MOV10L1: variants seen among roughly 807,000 people sequenced by gnomAD.
MOV10L1 encodes RNA helicase Mov10l1.
Under a neutral mutation model 143.8 loss-of-function variants are expected in MOV10L1, and 110 were observed. The ratio of observed to expected loss-of-function variants is 0.76; its 90% CI spans 0.66 to 0.90. The LOEUF (loss-of-function observed/expected upper bound fraction) is 0.90. Among genes scored for constraint, MOV10L1 ranks in the 40% least tolerant of loss-of-function variants. The pLI is 0.00. For synonymous variants in MOV10L1, 593 were observed against 581.1 expected (o/e 1.02, Z -0.29); for missense variants, 1,406 against 1,526.8 (o/e 0.92, Z 1.32).
At position 50,120,695 on chromosome 22, in the gene MOV10L1, C is replaced by G. The variant is rs1410142161; in HGVS notation, c.1569+79C>G. The G allele has an allele frequency of 1.3e-5, 14 of 1,054,162 alleles. No individual in the cohort carries two copies. In the Admixed American group the frequency reaches 2.9e-4, roughly 22 times the overall value. The allele number at this position is 1,054,162 out of a possible 1,614,324, so 65.3% of individuals were successfully genotyped here. ...TTCTGACAAAGCCAGGAGGTTCCTT[C>G]TCAGGTTCAGACCTTCATCTGGCTT... On this transcript the variant is annotated intron_variant, in intron 10 of 26. Coordinates refer to ENST00000262794, the MANE Select transcript of MOV10L1 (RefSeq NM_018995.3).
At chr22:50,091,152 G>A (rs1602094923) in intron 1 of MOV10L1, 1 of 167,878 alleles carries the variant, frequency 6.0e-6, no homozygotes, top group African/African-American at 2.4e-5. Flanking sequence ...ATGCCCGGGG[G>A]GCCGGCTGTG....
In MOV10L1 at chr22:50,161,679, T is replaced by G; in HGVS notation, c.*230T>G. The G allele has an allele frequency of 4.1e-6, 2 of 492,844 alleles. No homozygotes were observed. The highest frequency in any genetic ancestry group is 5.4e-4 in the Middle Eastern group (1 of 1,860). 30.5% of individuals were successfully genotyped at this position (492,844 alleles called of 1,614,324 possible). On this transcript the variant is annotated 3_prime_UTR_variant, in exon 27 of 27. Coordinates refer to ENST00000262794, the MANE Select transcript of MOV10L1 (RefSeq NM_018995.3). ...GCCTACCCTGAAATAAACCCTCGAG[T>G]GACCCCCAGAAGCCTTTCCACCTCG...
In MOV10L1 at chr22:50,090,028, G is replaced by C; in HGVS notation, c.-61G>C. ...CCCATTGGTGGCGGGCGGCGGGAGC[G>C]GCGCGGGCGCGTGCGGGCGGCGGCA... On this transcript the variant is annotated 5_prime_UTR_variant, in exon 1 of 27. Transcript: ENST00000262794. 1 of 1,152,818 alleles carries C rather than the reference G, an allele frequency of 8.7e-7. No individual in the cohort carries two copies. The highest frequency in any genetic ancestry group is 1.1e-6 in the Non-Finnish European group (1 of 934,528). The allele number at this position is 1,152,818 out of a possible 1,614,324, so 71.4% of individuals were successfully genotyped here.
intron 24 of MOV10L1, 46 bp from the exon 25 acceptor site, chr22:50,160,642 C>A: frequency 6.3e-7 from 1 of 1,583,566 alleles, no homozygotes; most frequent in Non-Finnish European, 8.6e-7. Flanking sequence ...TTCATGCCCC[C>A]CAAAAACTTC....
At chr22:50,092,225 A>G in intron 2 of MOV10L1, 40 bp downstream of exon 2, 1 of 1,568,522 alleles carries the variant, frequency 6.4e-7, no homozygotes, top group Non-Finnish European at 8.7e-7. Context: ...TTTCTTCGCC[A>G]CGGGACTTTG....
At chr22:50,155,981 G>A (rs993368760) in intron 22 of MOV10L1, among the ~76,000 whole-genome samples, 21 of 152,210 alleles carry the variant, frequency 1.4e-4, no homozygotes, top group African/African-American at 4.8e-4. Flanking sequence ...AGCCTGGAGA[G>A]GTTGAGGTTG....
At chr22:50,090,565 T>C in intron 1 of MOV10L1, 1 of 1,578,916 alleles carries the variant, frequency 6.3e-7, no homozygotes, top group Middle Eastern at 1.7e-4. Flanking sequence ...GCCTGTCCTT[T>C]CAGAACGCGC....
At position 50,142,205 on chromosome 22, in the gene MOV10L1, G is replaced by T; in HGVS notation, c.2179+16G>T. The T allele has an allele frequency of 6.3e-7, 1 of 1,594,708 alleles. No homozygotes were observed. The highest frequency in any genetic ancestry group is 1.1e-5 in the South Asian group (1 of 88,232). Reference sequence around the variant, plus strand: ...AGCGATTGGGGTATGTGCTCATGAGGGGCAAGGAGAAGAGCAACTCTGAGA... The same window carrying T: ...AGCGATTGGGGTATGTGCTCATGAGTGGCAAGGAGAAGAGCAACTCTGAGA... On this transcript the variant is annotated intron_variant, in intron 16 of 26. Transcript: ENST00000262794.
At chr22:50,135,711 A>T (rs1409074468) in intron 15 of MOV10L1, among the ~76,000 whole-genome samples, 1 of 150,328 alleles carries the variant, frequency 6.7e-6, no homozygotes, top group Non-Finnish European at 1.5e-5. Context: ...AGATCACGCC[A>T]CTGCACTCCA....
chr22:50,143,380 T>A, intron 17 of MOV10L1, 159 bp downstream of exon 17: 1 of 833,886 alleles, frequency 1.2e-6, no homozygotes, highest in Non-Finnish European at 1.9e-6. Context: ...TTTGTGGATA[T>A]GTAGGGATTT....
chr22:50,158,478 G>T lies in MOV10L1; in HGVS notation c.3216+272G>T. ...ACATTTATATGTCCCTTGATATTTGGCCCTTTGGGAAAACATTTGCCAACC... is the reference window on the plus strand; with the variant it reads ...ACATTTATATGTCCCTTGATATTTGTCCCTTTGGGAAAACATTTGCCAACC... On this transcript the variant is annotated intron_variant, in intron 23 of 26. Coordinates refer to ENST00000262794, the MANE Select transcript of MOV10L1 (RefSeq NM_018995.3). The surrounding 1 kb of genome is among the most constrained non-coding windows in gnomAD (Gnocchi z 5.0). The T allele has an allele frequency of 2.4e-6, 1 of 416,600 alleles. No individual in the cohort carries two copies. The highest frequency in any genetic ancestry group is 4.3e-6 in the Non-Finnish European group (1 of 232,964). 25.8% of individuals were successfully genotyped at this position (416,600 alleles called of 1,614,324 possible).
At position 50,159,652 on chromosome 22, in the gene MOV10L1, A is replaced by G; in HGVS notation, c.3217-26A>G. ...AATGGATTTGTACAGTGTTATCTTT[A>G]GTCTTTCTTTTAATCTGTTCTCAAG... On this transcript the variant is annotated intron_variant, in intron 23 of 26. Transcript: ENST00000262794. This position sits in a 1 kb window ranked among gnomAD's most constrained non-coding sequence, Gnocchi z 4.1. 4 of 1,384,738 alleles carry G rather than the reference A, an allele frequency of 2.9e-6. No individual in the cohort carries two copies. The highest frequency in any genetic ancestry group is 4.1e-6 in the Non-Finnish European group (4 of 982,382). The allele number at this position is 1,384,738 out of a possible 1,614,324, so 85.8% of individuals were successfully genotyped here.
chr22:50,149,483 C>G, intron 19 of MOV10L1, 132 bp from the exon 20 acceptor site: 1 of 772,150 alleles, frequency 1.3e-6, no homozygotes, highest in Non-Finnish European at 2.1e-6. Flanking sequence ...ACCCAGACCC[C>G]CAGCTCCTGC....
At chr22:50,141,774 G>A (rs980877673) in intron 15 of MOV10L1, among the ~76,000 whole-genome samples, 21 of 152,082 alleles carry the variant, frequency 1.4e-4, no homozygotes, top group African/African-American at 5.1e-4. Context: ...CTGGAAAGCA[G>A]GTAGGATGTA....
chr22:50,146,878 AT>A (rs892132223), intron 19 of MOV10L1: 384 of 582,782 alleles, frequency 6.6e-4, no homozygotes, highest in East Asian at 1.0e-3. Context: ...GACACTTTAC[AT>A]TTTTTTTGGT....
At position 50,125,570 on chromosome 22, in the gene MOV10L1, G is replaced by C; in HGVS notation, c.1747+1G>C. ...GAAGGGAGGCCTTCTCTCTACGCAG[G>C]TGTGTTTGTTACTCATATGCTTCCC... is the stretch of plus-strand genomic sequence containing the variant. On this transcript the variant is annotated splice_donor_variant, in intron 11 of 26. Transcript: ENST00000262794. LOFTEE classifies it high-confidence loss of function. 6.2e-7 allele frequency: 1 copy of C among 1,613,758 alleles called. No homozygotes were observed. Among genetic ancestry groups the C allele is most frequent in the Non-Finnish European group, 8.5e-7 (1 of 1,179,854 alleles).
At position 50,124,712 on chromosome 22, in the gene MOV10L1, G is replaced by A. The variant is rs1015002699; in HGVS notation, c.1570-680G>A. On this transcript the variant is annotated intron_variant, in intron 10 of 26. Transcript: ENST00000262794. ...TCCTTAGTGCTGAGCTGATGGTCCT[G>A]AGTGGGTCCCCTGACCCTCTCCAGA... Among the ~76,000 whole-genome samples the A allele has an allele frequency of 3.9e-5, 6 of 152,230 alleles. No homozygotes were observed. The South Asian group carries it at 6.2e-4, about 16-fold the overall frequency.
Position 50,099,490 on chromosome 22 carries a change from G to T in MOV10L1, c.330G>T (p.Gly110=), listed in dbSNP as rs762634864. 6.2e-7 allele frequency: 1 copy of T among 1,614,210 alleles called. No homozygotes were observed. Among genetic ancestry groups the T allele is most frequent in the Non-Finnish European group, 8.5e-7 (1 of 1,180,038 alleles). The change falls in exon 3 of 27, where the codon GGG becomes GGT. Residue 110 remains glycine, a synonymous_variant. Coordinates refer to ENST00000262794, the MANE Select transcript of MOV10L1 (RefSeq NM_018995.3). Reference sequence around the variant, plus strand: ...GGGAAGACGACAGCAGAAACCATGGGAGTCCCTCAGACTGCGGCCCCCGAG... The same window carrying T: ...GGGAAGACGACAGCAGAAACCATGGTAGTCCCTCAGACTGCGGCCCCCGAG... ...DKWEDDSRNH[G]SPSDCGPRVL...
At chr22:50,128,867 T>C (rs1187006733) in intron 13 of MOV10L1, among the ~76,000 whole-genome samples, 1 of 151,056 alleles carries the variant, frequency 6.6e-6, no homozygotes, top group East Asian at 1.9e-4. Context: ...TTAATAGAGA[T>C]GGGGTCCCAG....
Sources: allele counts gnomAD v4.1 joint callset (sites outside exome capture counted in the v4.1 genomes callset), GRCh38; gene constraint gnomAD v4.1.1; non-coding constraint Gnocchi (gnomAD v3.1); transcripts MANE v1.5; gene names NCBI Gene and HGNC (gene_info 2026-07-23, HGNC 2026-07-21).